The following CROCC2 variants were observed in gnomAD, a reference collection of about 807,000 sequenced individuals.
CROCC2 encodes ciliary rootlet coiled-coil protein 2.
Under a neutral mutation model 177.6 loss-of-function variants are expected in CROCC2, and 163 were observed. The observed-to-expected ratio is 0.92, with a 90% confidence interval of 0.81 to 1.05. The LOEUF is 1.05. Ranked by LOEUF, CROCC2 falls within the 50% of genes least tolerant of loss-of-function variation. The probability of loss-of-function intolerance (pLI) is 0.00; values close to 1 mark genes in which losing one functional copy is unlikely to be tolerated. For synonymous variants in CROCC2, 904 were observed against 787.3 expected (o/e 1.15, Z -2.48); for missense variants, 1,929 against 1,797.8 (o/e 1.07, Z -1.32).
Position 240,953,108 on chromosome 2 carries a change from G to A in CROCC2, c.2829+2598G>A, listed in dbSNP as rs369825048. Among the ~76,000 whole-genome samples, 115 of 152,146 alleles carry A rather than the reference G, an allele frequency of 7.6e-4. No individual in the cohort carries two copies. Among genetic ancestry groups the A allele is most frequent in the African/African-American group, 2.6e-3 (108 of 41,536 alleles). Reference sequence around the variant, plus strand: ...GTGGCACACACAGCCCCCAAGAGAGGGGACCTCGGTCAAACAGGAGTGCAG... The same window carrying A: ...GTGGCACACACAGCCCCCAAGAGAGAGGACCTCGGTCAAACAGGAGTGCAG... On this transcript the variant is annotated intron_variant, in intron 18 of 31. Transcript: ENST00000690015. The surrounding 1 kb of genome is among the most constrained non-coding windows in gnomAD (Gnocchi z 4.0).
chr2:240,930,238 G>A lies in CROCC2; in HGVS notation c.718G>A (p.Asp240Asn). ...LWRQAVVLGT[D>N]LAELRVATER... Reference sequence around the variant, plus strand: ...GAGACAGGCCGTGGTGCTGGGGACAGACCTGGCCGAGCTGCGTGTAGCCAC... The same window carrying A: ...GAGACAGGCCGTGGTGCTGGGGACAAACCTGGCCGAGCTGCGTGTAGCCAC... Residue 240 changes from aspartate to asparagine, a missense_variant, in exon 6 of 32, where the codon GAC becomes AAC. Asp to Asn is a conservative substitution (Grantham distance 23). Around this residue, in one of 3 missense-constraint regions of CROCC2, gnomAD observed 1,397 missense variants for 1,239.9 expected, o/e 1.13. Transcript: ENST00000690015. 1.7e-6 allele frequency: 1 copy of A among 589,072 alleles called. No homozygotes were observed. The highest frequency in any genetic ancestry group is 3.1e-6 in the Non-Finnish European group (1 of 321,236). 36.5% of individuals were successfully genotyped at this position (589,072 alleles called of 1,614,324 possible). A position where few individuals can be genotyped will look rare whatever the true frequency, so the allele number is the denominator to read the frequency against.
intron 18 of CROCC2, among the ~76,000 whole-genome samples, chr2:240,954,180 C>T (rs1352287756): frequency 6.6e-6 from 1 of 152,202 alleles, no homozygotes. Context: ...ACTCCTGCCC[C>T]TCCCCTTCAC....
rs147278412 is a variant in CROCC2, at chr2:240,946,411, T to C, written c.2363+158T>C. Among the ~76,000 whole-genome samples, 109 of 152,226 alleles carry C rather than the reference T, an allele frequency of 7.2e-4. 1 individual carries two copies. The East Asian group carries it at 0.019, about 27-fold the overall frequency. ...TGTGAGTGGAGGCGAGCACAGAGCC[T>C]TTGGGTTGGGGGAGGGCATCTGGAA... On this transcript the variant is annotated intron_variant, in intron 15 of 31. Coordinates refer to ENST00000690015, the MANE Select transcript of CROCC2 (RefSeq NM_001351305.2).
intron 28 of CROCC2, among the ~76,000 whole-genome samples, chr2:240,987,031 G>A (rs1365601411): frequency 6.6e-6 from 1 of 152,232 alleles, no homozygotes; most frequent in Non-Finnish European, 1.5e-5. Context: ...GTCCACAAAG[G>A]ACCACCTGCC....
At chr2:240,967,659 C>T (rs35798631) in intron 26 of CROCC2, 194 bp downstream of exon 26, 323,015 of 850,882 alleles carry the variant, frequency 0.38, 63,323 homozygotes, top group East Asian at 0.48. Context: ...TCAGCAGCGA[C>T]TTCCCCAGCA....
At chr2:240,939,372 A>G (rs2059484946) in intron 14 of CROCC2, among the ~76,000 whole-genome samples, 2 of 152,106 alleles carry the variant, frequency 1.3e-5, no homozygotes, top group South Asian at 2.1e-4. Flanking sequence ...GTTAGTATCC[A>G]TTTTATATAT....
chr2:240,935,122 T>C, intron 13 of CROCC2, 60 bp downstream of exon 13: 1 of 1,322,500 alleles, frequency 7.6e-7, no homozygotes, highest in Non-Finnish European at 9.7e-7. Flanking sequence ...TGGCTGTGGG[T>C]CTCCCAGCCC....
intron 28 of CROCC2, among the ~76,000 whole-genome samples, chr2:240,985,673 G>A (rs1415302810): frequency 1.9e-4 from 10 of 52,458 alleles, no homozygotes; most frequent in African/African-American, 7.9e-4. Context: ...ACACACCCAG[G>A]CACTCACTCC....
chr2:240,944,467 A>G (rs116785048), intron 14 of CROCC2, among the ~76,000 whole-genome samples: 2,005 of 152,250 alleles, frequency 0.013, 20 homozygotes, highest in South Asian at 0.029. Context: ...CTATATGTCT[A>G]TAACATTCTT....
At chr2:240,930,383 C>G in intron 6 of CROCC2, 114 bp downstream of exon 6, 2 of 429,672 alleles carry the variant, frequency 4.7e-6, no homozygotes, top group Non-Finnish European at 8.3e-6. Context: ...TGCAGTAGCC[C>G]TGGCCTGCCG....
In CROCC2 at chr2:240,958,284, C is replaced by A; in HGVS notation, c.2944-1017C>A. The A allele has an allele frequency of 2.6e-6, 2 of 762,038 alleles. No homozygotes were observed. Among genetic ancestry groups the A allele is most frequent in the Non-Finnish European group, 3.2e-6 (2 of 625,724 alleles). 47.2% of individuals were successfully genotyped at this position (762,038 alleles called of 1,614,324 possible). ...GTATCCTGCAGCCAGGCCTCAGGGGCACCCATCACTGGCAGTGTTGGGGCA... is the reference window on the plus strand; with the variant it reads ...GTATCCTGCAGCCAGGCCTCAGGGGAACCCATCACTGGCAGTGTTGGGGCA... On this transcript the variant is annotated intron_variant, in intron 19 of 31. Coordinates refer to ENST00000690015, the MANE Select transcript of CROCC2 (RefSeq NM_001351305.2). This position sits in a 1 kb window ranked among gnomAD's most constrained non-coding sequence, Gnocchi z 6.7.
chr2:240,957,001 A>G (rs6437221), intron 19 of CROCC2, among the ~76,000 whole-genome samples: 103,496 of 151,970 alleles, frequency 0.68, 36,024 homozygotes, highest in African/African-American at 0.82. Flanking sequence ...GCCTGAGGAG[A>G]GGCTGTTTGT....
chr2:240,960,110 TC>T lies in CROCC2; in HGVS notation c.3087+669del, dbSNP rs1381318237. ...GGGCAGCTGTCGCCTCCCAAAGCCT[TC>T]CCGAGAGACAGGCATGACCTGGGGC... On this transcript the variant is annotated intron_variant, in intron 20 of 31. Transcript: ENST00000690015. The surrounding 1 kb of genome is among the most constrained non-coding windows in gnomAD (Gnocchi z 5.0). 1.3e-5 allele frequency among the ~76,000 whole-genome samples: 2 copies of T among 152,174 alleles called. No individual in the cohort carries two copies. The highest frequency in any genetic ancestry group is 4.8e-5 in the African/African-American group (2 of 41,450).
chr2:240,916,652 A>T (rs1039608517), intron 1 of CROCC2, among the ~76,000 whole-genome samples: 7 of 151,624 alleles, frequency 4.6e-5, no homozygotes, highest in Non-Finnish European at 1.0e-4. Flanking sequence ...ACGTCCCGCT[A>T]ATAAGTGACC....
intron 1 of CROCC2, among the ~76,000 whole-genome samples, chr2:240,910,273 C>T (rs2059279065): frequency 6.9e-6 from 1 of 144,972 alleles, no homozygotes; most frequent in Non-Finnish European, 1.5e-5. Flanking sequence ...GAATCTCCAG[C>T]ACCCAGACCC....
chr2:240,986,187 T>C, intron 28 of CROCC2: 1 of 325,984 alleles, frequency 3.1e-6, no homozygotes, highest in Non-Finnish European at 6.1e-6. Flanking sequence ...CATGGGCACA[T>C]GGGCACAGCT....
chr2:240,982,792 C>G lies in CROCC2; in HGVS notation c.4402-88C>G, dbSNP rs1241131228. 8.3e-7 allele frequency: 1 copy of G among 1,201,108 alleles called. No homozygotes were observed. Among genetic ancestry groups the G allele is most frequent in the East Asian group, 2.6e-5 (1 of 38,896 alleles). The allele number at this position is 1,201,108 out of a possible 1,614,324, so 74.4% of individuals were successfully genotyped here. On this transcript the variant is annotated intron_variant, in intron 27 of 31. Coordinates refer to ENST00000690015, the MANE Select transcript of CROCC2 (RefSeq NM_001351305.2). The surrounding 1 kb of genome is among the most constrained non-coding windows in gnomAD (Gnocchi z 4.7). ...CAGCGATACGGTCCTGCCAGACGGTCTAGGCAGATGCCCTGAGGCCAGGGT... is the reference window on the plus strand; with the variant it reads ...CAGCGATACGGTCCTGCCAGACGGTGTAGGCAGATGCCCTGAGGCCAGGGT...
chr2:240,931,252 T>C, intron 7 of CROCC2, 124 bp downstream of exon 7: 1 of 601,336 alleles, frequency 1.7e-6, no homozygotes, highest in Non-Finnish European at 3.0e-6. Flanking sequence ...GGGGCCCTGA[T>C]GTCACTGGTG....
chr2:240,907,220 C>T (rs974919438), intron 1 of CROCC2, among the ~76,000 whole-genome samples: 9 of 152,176 alleles, frequency 5.9e-5, no homozygotes, highest in African/African-American at 2.2e-4. Flanking sequence ...TATTCTGTGG[C>T]TTCCAGATGT....
Sources: gnomAD v4.1 joint callset for allele counts (sites outside exome capture counted in the v4.1 genomes callset) on GRCh38, gnomAD v4.1.1 for gene constraint, gnomAD v4.1.1 regional missense constraint, Gnocchi (gnomAD v3.1) non-coding constraint, MANE v1.5 for transcripts, NCBI Gene and HGNC (gene_info 2026-07-23, HGNC 2026-07-21) for gene names.